The following RSF1 variants were observed in gnomAD, a reference collection of about 807,000 sequenced individuals.
The protein encoded by RSF1 is HBV pX-associated protein 8.
In RSF1, 13 loss-of-function variants were observed where a neutral mutation model predicts 145.2. The ratio of observed to expected loss-of-function variants is 0.09; its 90% CI spans 0.06 to 0.14. The LOEUF (loss-of-function observed/expected upper bound fraction) is 0.14, where lower values mean the gene tolerates loss of function less well. Among genes scored for constraint, RSF1 ranks in the 10% least tolerant of loss-of-function variants. The pLI is 1.00. For missense variants in RSF1, 1,517 were observed against 1,718.2 expected (o/e 0.88, Z 2.07); for synonymous variants, 577 against 592.6 (o/e 0.97, Z 0.38).
At chr11:77,730,887 C>G (rs1292265031) in intron 4 of RSF1, among the ~76,000 whole-genome samples, 1 of 152,194 alleles carries the variant, frequency 6.6e-6, no homozygotes, top group African/African-American at 2.4e-5. Context: ...GTCCAATTAA[C>G]CTCTTTCTTT....
At chr11:77,703,688 G>A (rs1263708461) in intron 5 of RSF1, among the ~76,000 whole-genome samples, 1 of 152,206 alleles carries the variant, frequency 6.6e-6, no homozygotes, top group African/African-American at 2.4e-5. Flanking sequence ...TTCAGTGTCT[G>A]AGAGTTAAGC....
At chr11:77,813,245 T>C in intron 1 of RSF1, 2 of 582,464 alleles carry the variant, frequency 3.4e-6, no homozygotes, top group East Asian at 2.7e-5. Flanking sequence ...AGTAGTCTAA[T>C]GATGAATGGG....
chr11:77,821,901 T>C (rs1948923535), upstream of RSF1, among the ~76,000 whole-genome samples: 3 of 152,132 alleles, frequency 2.0e-5, no homozygotes, highest in Admixed American at 2.0e-4. Flanking sequence ...TGGAGGTTTC[T>C]TTATTTCTTT....
chr11:77,732,809 C>T (rs1961240316), intron 4 of RSF1, among the ~76,000 whole-genome samples: 1 of 152,134 alleles, frequency 6.6e-6, no homozygotes, highest in Non-Finnish European at 1.5e-5. Flanking sequence ...TTGCAAATTG[C>T]CCAGTCTTGG....
At chr11:77,803,950 A>G (rs1948651996) in intron 1 of RSF1, among the ~76,000 whole-genome samples, 1 of 152,182 alleles carries the variant, frequency 6.6e-6, no homozygotes, top group African/African-American at 2.4e-5. Flanking sequence ...GCATGGTAAC[A>G]TGTGCCTGTA....
At chr11:77,736,686 C>T (rs577354041) in intron 4 of RSF1, among the ~76,000 whole-genome samples, 1 of 152,294 alleles carries the variant, frequency 6.6e-6, no homozygotes, top group African/African-American at 2.4e-5. Flanking sequence ...GAACATCTCA[C>T]TTATAATATG....
Position 77,665,095 on chromosome 11 carries a change from A to T in RSF1, c.*1822T>A, listed in dbSNP as rs201350382. ...AACGAACAACTGAAAAACAATAGCT[A>T]TAAACTTTCAAGGCCAAAAGATAAG... On this transcript the variant is annotated 3_prime_UTR_variant, in exon 16 of 16. Coordinates refer to ENST00000308488, the MANE Select transcript of RSF1 (RefSeq NM_016578.4). The T allele has an allele frequency of 1.3e-5, 2 of 152,368 alleles. No individual in the cohort carries two copies. The highest frequency in any genetic ancestry group is 1.9e-4 in the East Asian group (1 of 5,190). The allele number at this position is 152,368 out of a possible 1,614,324, so 9.4% of individuals were successfully genotyped here.
At chr11:77,816,818 T>C (rs1948786122) in intron 1 of RSF1, among the ~76,000 whole-genome samples, 1 of 152,152 alleles carries the variant, frequency 6.6e-6, no homozygotes, top group Admixed American at 6.5e-5. Flanking sequence ...AGCACAGAAT[T>C]GGGAGGACTA....
At chr11:77,742,349 G>A (rs528695919) in intron 3 of RSF1, among the ~76,000 whole-genome samples, 13 of 152,116 alleles carry the variant, frequency 8.5e-5, no homozygotes, top group Admixed American at 2.0e-4. Flanking sequence ...GCGCGATCTC[G>A]GCTCACTGTA....
At chr11:77,690,000 A>G (rs1045650163) in intron 9 of RSF1, among the ~76,000 whole-genome samples, 1 of 151,968 alleles carries the variant, frequency 6.6e-6, no homozygotes, top group African/African-American at 2.4e-5. Context: ...CTTCTCTACT[A>G]AAAATACAAA....
rs1959717815 is a variant in RSF1, at chr11:77,676,830, A to G, written c.3303T>C (p.Asp1101=). 6 of 1,613,866 alleles carry G rather than the reference A, an allele frequency of 3.7e-6. No homozygotes were observed. Among genetic ancestry groups the G allele is most frequent in the Middle Eastern group, 1.6e-4 (1 of 6,080 alleles). The change falls in exon 13 of 16, where the codon GAT becomes GAC. Residue 1101 remains aspartate, a synonymous_variant. Transcript: ENST00000308488. ...LNDLDSDSNL[D]EEESEDEFKI... is the part of the protein sequence containing the mutation. Reference sequence around the variant, plus strand: ...TGAATTCATCCTCGCTCTCTTCTTCATCCAGGTTGCTATCACTGTCCAGAT... The same window carrying G: ...TGAATTCATCCTCGCTCTCTTCTTCGTCCAGGTTGCTATCACTGTCCAGAT...
intron 11 of RSF1, among the ~76,000 whole-genome samples, chr11:77,681,504 T>C (rs1331087886): frequency 1.3e-5 from 2 of 152,198 alleles, no homozygotes; most frequent in East Asian, 3.8e-4. Context: ...GGTCTTGAAC[T>C]TTTGGGCTGA....
the RSF1 span, chr11:77,850,683 TAATAC>T: frequency 6.6e-6 from 1 of 152,174 alleles, no homozygotes; most frequent in South Asian, 2.1e-4. Context: ...GTGAATAATA[TAATAC>T]ATTTCCATAT....
chr11:77,839,458 C>T, the RSF1 span, among the ~76,000 whole-genome samples: 3 of 152,222 alleles, frequency 2.0e-5, no homozygotes, highest in Admixed American at 1.3e-4. Flanking sequence ...ACCCACCAAT[C>T]CCATTACTGG....
chr11:77,788,649 T>G (rs977425168), intron 1 of RSF1, among the ~76,000 whole-genome samples: 1 of 152,114 alleles, frequency 6.6e-6, no homozygotes, highest in Non-Finnish European at 1.5e-5. Flanking sequence ...AAGCAGTATT[T>G]GTAGAAAAAT....
At chr11:77,668,974 C>T (rs1565142112) in intron 15 of RSF1, among the ~76,000 whole-genome samples, 2 of 152,138 alleles carry the variant, frequency 1.3e-5, no homozygotes, top group East Asian at 1.9e-4. Flanking sequence ...ACTGCCTACT[C>T]GACATCTAGG....
chr11:77,672,336 T>C (rs1265323272), intron 14 of RSF1, 106 bp from the exon 15 acceptor site: 1 of 873,306 alleles, frequency 1.1e-6, no homozygotes, highest in East Asian at 2.7e-5. Context: ...GTCATAAATA[T>C]TTTTAAGTGA....
chr11:77,755,345 A>G (rs78083405), intron 2 of RSF1, among the ~76,000 whole-genome samples: 1 of 152,172 alleles, frequency 6.6e-6, no homozygotes, highest in African/African-American at 2.4e-5. Context: ...GGGTGAATGG[A>G]AAGAAAAATC....
intron 1 of RSF1, among the ~76,000 whole-genome samples, chr11:77,817,174 T>C (rs777208199): frequency 6.6e-6 from 1 of 152,196 alleles, no homozygotes; most frequent in Non-Finnish European, 1.5e-5. Flanking sequence ...CCAGAAATAA[T>C]AACACTTCCA....
Sources: gnomAD v4.1 joint callset for allele counts (sites outside exome capture counted in the v4.1 genomes callset) on GRCh38, gnomAD v4.1.1 for gene constraint, MANE v1.5 for transcripts, NCBI Gene and HGNC (gene_info 2026-07-23, HGNC 2026-07-21) for gene names.